POLQ: variants seen among roughly 807,000 people sequenced by gnomAD.
The protein encoded by POLQ is DNA polymerase theta, also known as epididymis secretory sperm binding protein.
A neutral mutation model predicts 259.2 loss-of-function variants in POLQ; 233 were observed. That is an observed-to-expected ratio of 0.90 (90% CI 0.81 to 1.00). POLQ has a LOEUF of 1.00. Among genes scored for constraint, POLQ ranks in the 50% least tolerant of loss-of-function variants. The pLI, the probability that POLQ is intolerant of heterozygous loss-of-function variation, is 0.00. For missense variants in POLQ, 2,871 were observed against 3,051.6 expected (o/e 0.94, Z 1.39); for synonymous variants, 1,025 against 1,048.8 (o/e 0.98, Z 0.44).
At chr3:121,529,238 T>C (rs551706318) in intron 7 of POLQ, among the ~76,000 whole-genome samples, 48 of 152,194 alleles carry the variant, frequency 3.2e-4, no homozygotes, top group Non-Finnish European at 3.5e-4. Flanking sequence ...TATGTATGTA[T>C]GTGTGTATGA....
At position 121,509,890 on chromosome 3, in the gene POLQ, C is replaced by A. The variant is rs997338387; in HGVS notation, c.1816+149G>T. ...TGGTCTGAAGTTGCTAAATACAATACTGATTTACTAAAAATGAGTTGATAC... is the reference window on the plus strand; with the variant it reads ...TGGTCTGAAGTTGCTAAATACAATAATGATTTACTAAAAATGAGTTGATAC... On this transcript the variant is annotated intron_variant, in intron 11 of 29. Coordinates refer to ENST00000264233, the MANE Select transcript of POLQ (RefSeq NM_199420.4). 14 of 807,614 alleles carry A rather than the reference C, an allele frequency of 1.7e-5. No individual in the cohort carries two copies. The African/African-American group carries it at 2.4e-4, about 14-fold the overall frequency. 50.0% of individuals were successfully genotyped at this position (807,614 alleles called of 1,614,324 possible).
intron 1 of POLQ, 37 bp downstream of exon 1, chr3:121,545,678 C>T: frequency 4.6e-6 from 7 of 1,516,924 alleles, no homozygotes; most frequent in Non-Finnish European, 6.2e-6. Context: ...GGCGGAGCTG[C>T]CCCCGTTGCC....
At chr3:121,498,713 T>A in intron 12 of POLQ, 43 bp from the exon 13 acceptor site, 1 of 1,372,714 alleles carries the variant, frequency 7.3e-7, no homozygotes, top group Non-Finnish European at 1.0e-6. Flanking sequence ...ACTATTATAT[T>A]ACAAAAAACC....
At chr3:121,491,060 A>T (rs1045876160) in intron 15 of POLQ, among the ~76,000 whole-genome samples, 2 of 151,866 alleles carry the variant, frequency 1.3e-5, no homozygotes, top group African/African-American at 4.8e-5. Context: ...CATTAAAAAA[A>T]TTTTTTAAAA....
At chr3:121,465,927 A>C (rs1252885675) in intron 24 of POLQ, among the ~76,000 whole-genome samples, 1 of 152,210 alleles carries the variant, frequency 6.6e-6, no homozygotes, top group African/African-American at 2.4e-5. Context: ...TTAAACCAAA[A>C]AGCTAGAAAC....
At position 121,544,875 on chromosome 3, in the gene POLQ, TTCGTAG is replaced by T. The variant is rs1458838397; in HGVS notation, c.189_194del (p.Asp63_Tyr64del). On this transcript the variant is annotated inframe_deletion, in exon 2 of 30. Transcript: ENST00000264233. ...AGTTTGCCAATAGTAGCTTGTCTCTTTCGTAGTCAGGAACTGTAGGCTTGCATTCTC... is the reference window on the plus strand; with the variant it reads ...AGTTTGCCAATAGTAGCTTGTCTCTTTCAGGAACTGTAGGCTTGCATTCTC... 1.9e-6 allele frequency: 3 copies of T among 1,609,610 alleles called. No homozygotes were observed. The highest frequency in any genetic ancestry group is 2.6e-6 in the Non-Finnish European group (3 of 1,176,408).
chr3:121,543,976 C>T (rs996120871), intron 2 of POLQ, among the ~76,000 whole-genome samples: 3 of 149,748 alleles, frequency 2.0e-5, no homozygotes, highest in African/African-American at 7.4e-5. Flanking sequence ...GAGCAAGACT[C>T]CATCTCAAAA....
At position 121,481,675 on chromosome 3, in the gene POLQ, A is replaced by G; in HGVS notation, c.6108T>C (p.Ala2036=). The G allele has an allele frequency of 2.5e-6, 4 of 1,614,142 alleles. No individual in the cohort carries two copies. The highest frequency in any genetic ancestry group is 3.4e-6 in the Non-Finnish European group (4 of 1,179,998). ...TGTATCGCCCAGAATGCTCACTGCC[A>G]GCATTTAGCCCCAGGCTTTGAATCC... ...SQGIQSLGLN[A]GSEHSGRYRA... is the part of the protein sequence containing the mutation. Residue 2036 remains alanine (A), a synonymous_variant, in exon 19 of 30, where the codon GCT becomes GCC. Transcript: ENST00000264233.
At chr3:121,511,213 G>C (rs1240030707) in intron 10 of POLQ, among the ~76,000 whole-genome samples, 2 of 123,096 alleles carry the variant, frequency 1.6e-5, no homozygotes, top group Non-Finnish European at 3.3e-5. Context: ...GTGACAGAGC[G>C]AGACTCCGTC....
Position 121,487,658 on chromosome 3 carries a change from T to C in POLQ, c.5273A>G (p.Asn1758Ser). Residue 1758 changes from asparagine to serine, a missense_variant, in exon 16 of 30, where the codon AAC becomes AGC. Coordinates refer to ENST00000264233, the MANE Select transcript of POLQ (RefSeq NM_199420.4). ...TAAAACATTATTAGTTTTCCAAGGG[T>C]TTACAGGTGTTTCAAGAATCCCTGG... is the stretch of plus-strand genomic sequence containing the variant. The part of the protein sequence containing the change: ...TFPGILETPV[N>S]PWKTNNVLQP... 2 of 1,613,784 alleles carry C rather than the reference T, an allele frequency of 1.2e-6. No homozygotes were observed. Among genetic ancestry groups the C allele is most frequent in the East Asian group, 2.2e-5 (1 of 44,858 alleles).
chr3:121,510,533 C>T lies in POLQ; in HGVS notation c.1612-290G>A, dbSNP rs527254763. On this transcript the variant is annotated intron_variant, in intron 10 of 29. Coordinates refer to ENST00000264233, the MANE Select transcript of POLQ (RefSeq NM_199420.4). ...CGAAGCTTGCGGTGAGCCAAGATCACGCCACTGCACTCCAGCCTGGGCGAC... is the reference window on the plus strand; with the variant it reads ...CGAAGCTTGCGGTGAGCCAAGATCATGCCACTGCACTCCAGCCTGGGCGAC... Among the ~76,000 whole-genome samples, 6 of 151,828 alleles carry T rather than the reference C, an allele frequency of 4.0e-5. No individual in the cohort carries two copies. The South Asian group carries it at 1.0e-3, about 26-fold the overall frequency.
chr3:121,473,375 A>G lies in POLQ; in HGVS notation c.6518T>C (p.Leu2173Pro). ...CTTACTAGTGCTGAACTGTCTTCCC[A>G]GCCTTAGCTTGCGTCCATTGTCAAT... ...RGIDNGRKLR[L>P]GRQFSTSKDV... The change falls in exon 21 of 30, where the codon CTG (leucine) becomes CCG (proline). Residue 2173 changes from leucine (L) to proline (P), a missense_variant. By Grantham distance (98) the Leu-to-Pro change is moderately conservative. Coordinates refer to ENST00000264233, the MANE Select transcript of POLQ (RefSeq NM_199420.4). 1 of 1,614,022 alleles carries G rather than the reference A, an allele frequency of 6.2e-7. No homozygotes were observed. Among genetic ancestry groups the G allele is most frequent in the Non-Finnish European group, 8.5e-7 (1 of 1,179,940 alleles).
intron 26 of POLQ, among the ~76,000 whole-genome samples, chr3:121,442,720 T>C (rs190417507): frequency 3.7e-4 from 56 of 152,360 alleles, no homozygotes; most frequent in Admixed American, 3.6e-3. Context: ...TTCCAAATCC[T>C]GGCTATTGTG....
In POLQ at chr3:121,487,736, T is replaced by C; in HGVS notation, c.5195A>G (p.Asn1732Ser). Residue 1732 changes from asparagine to serine, a missense_variant, in exon 16 of 30, where the codon AAT becomes AGT. By Grantham distance (46) the Asn-to-Ser change is conservative. Coordinates refer to ENST00000264233, the MANE Select transcript of POLQ (RefSeq NM_199420.4). ...AATGGGTGTAGGAGGAATGAGACCA[T>C]TATCATCAACTATATTACTTTCTTT... ...PRKESNIVDD[N>S]GLIPPTPIPT... The C allele has an allele frequency of 6.2e-7, 1 of 1,613,622 alleles. No homozygotes were observed.
intron 22 of POLQ, among the ~76,000 whole-genome samples, chr3:121,469,574 G>A (rs2047866890): frequency 6.6e-6 from 1 of 152,170 alleles, no homozygotes; most frequent in Admixed American, 6.5e-5. Flanking sequence ...TAAATGGCCT[G>A]TTCAGTGTTA....
chr3:121,495,042 C>T (rs965385492), intron 14 of POLQ: 4 of 500,290 alleles, frequency 8.0e-6, no homozygotes, highest in East Asian at 6.9e-5. Context: ...AAGGCCAAGT[C>T]GAGCAGATCA....
intron 25 of POLQ, among the ~76,000 whole-genome samples, chr3:121,456,915 T>C (rs1215357910): frequency 1.2e-4 from 19 of 152,098 alleles, no homozygotes; most frequent in Non-Finnish European, 1.8e-4. Context: ...AAAAAGAGCC[T>C]GCATCGCCAA....
intron 3 of POLQ, among the ~76,000 whole-genome samples, chr3:121,540,463 A>T (rs546774816): frequency 6.6e-6 from 1 of 152,360 alleles, no homozygotes; most frequent in Non-Finnish European, 1.5e-5. Context: ...AAATCACAAC[A>T]GTAAATTTAT....
At chr3:121,452,896 A>G (rs1449132267) in intron 25 of POLQ, among the ~76,000 whole-genome samples, 1 of 152,228 alleles carries the variant, frequency 6.6e-6, no homozygotes, top group Non-Finnish European at 1.5e-5. Context: ...TGGTTCTCCT[A>G]GCACGCAGCT....
Sources: allele counts gnomAD v4.1 joint callset (sites outside exome capture counted in the v4.1 genomes callset), GRCh38; gene constraint gnomAD v4.1.1; transcripts MANE v1.5; gene names NCBI Gene and HGNC (gene_info 2026-07-23, HGNC 2026-07-21).